Variants in CACNA2D3 observed in about 807,000 individuals in gnomAD.
The protein encoded by CACNA2D3 is calcium voltage-gated channel auxiliary subunit alpha2delta 3.
In CACNA2D3, 60 loss-of-function variants were observed where a neutral mutation model predicts 160.6. That is an observed-to-expected ratio of 0.37 (90% CI 0.30 to 0.46). CACNA2D3 has a LOEUF of 0.46. Among genes scored for constraint, CACNA2D3 ranks in the 20% least tolerant of loss-of-function variants. The pLI is 1.00. For missense variants in CACNA2D3, 1,205 were observed against 1,365.0 expected (o/e 0.88, Z 1.85); for synonymous variants, 558 against 492.9 (o/e 1.13, Z -1.75).
intron 3 of CACNA2D3, among the ~76,000 whole-genome samples, chr3:54,357,956 C>T (rs1256749723): frequency 1.3e-5 from 2 of 152,138 alleles, no homozygotes; most frequent in Non-Finnish European, 2.9e-5. Flanking sequence ...AGTTTTAGGG[C>T]AATGAAACTG....
intron 5 of CACNA2D3, among the ~76,000 whole-genome samples, chr3:54,551,717 T>G (rs1177596215): frequency 6.6e-6 from 1 of 152,220 alleles, no homozygotes; most frequent in Non-Finnish European, 1.5e-5. Flanking sequence ...GCCGTCGTGT[T>G]CAGCACAGAT....
At chr3:54,933,230 C>G (rs1212384237) in intron 27 of CACNA2D3, among the ~76,000 whole-genome samples, 1 of 152,130 alleles carries the variant, frequency 6.6e-6, no homozygotes, top group African/African-American at 2.4e-5. Context: ...GTATTTAATG[C>G]TTACAATGGG....
intron 27 of CACNA2D3, among the ~76,000 whole-genome samples, chr3:54,907,512 G>T (rs1700470930): frequency 6.6e-6 from 1 of 152,158 alleles, no homozygotes; most frequent in African/African-American, 2.4e-5. Flanking sequence ...TTACATCTGG[G>T]TGGGTAATAA....
intron 2 of CACNA2D3, among the ~76,000 whole-genome samples, chr3:54,195,461 TG>T (rs1576991814): frequency 6.6e-6 from 1 of 152,256 alleles, no homozygotes; most frequent in African/African-American, 2.4e-5. Flanking sequence ...CATCATGTTA[TG>T]TAATATTTAT....
intron 2 of CACNA2D3, among the ~76,000 whole-genome samples, chr3:54,286,550 C>G (rs1460498397): frequency 6.6e-6 from 1 of 152,066 alleles, no homozygotes; most frequent in Non-Finnish European, 1.5e-5. Context: ...CAAGGCAGGC[C>G]AATATTCAGA....
At chr3:54,696,114 C>CTAG (rs1452638707) in intron 11 of CACNA2D3, among the ~76,000 whole-genome samples, 2 of 152,114 alleles carry the variant, frequency 1.3e-5, no homozygotes, top group Non-Finnish European at 1.5e-5. Context: ...TGTCTGGCTT[C>CTAG]TAGTAACTCC....
At chr3:55,018,678 G>C (rs912638863) in intron 35 of CACNA2D3, among the ~76,000 whole-genome samples, 3 of 151,850 alleles carry the variant, frequency 2.0e-5, no homozygotes, top group Admixed American at 1.3e-4. Flanking sequence ...AAGCCTTCAG[G>C]ATTTACCCAA....
rs377128535 is a variant in CACNA2D3 at position 54,320,569 on chromosome 3, A to G, written c.321+11A>G. 2.4e-5 allele frequency: 35 copies of G among 1,477,652 alleles called. No homozygotes were observed. The highest frequency in any genetic ancestry group is 3.0e-5 in the Non-Finnish European group (32 of 1,084,184). 91.5% of individuals were successfully genotyped at this position (1,477,652 alleles called of 1,614,324 possible). A position where few individuals can be genotyped will look rare whatever the true frequency, so the allele number is the denominator to read the frequency against. ...TCTGAGGCCGTCAGGGTAAGTGCCT[A>G]TGTTTTGTGCCCTGTATCGCCTGAA... On this transcript the variant is annotated intron_variant, in intron 3 of 37. Transcript: ENST00000474759.
At chr3:54,491,234 G>C (rs1280849602) in intron 4 of CACNA2D3, among the ~76,000 whole-genome samples, 5 of 152,164 alleles carry the variant, frequency 3.3e-5, no homozygotes, top group South Asian at 2.1e-4. Context: ...GCTCAGGTGC[G>C]CCTCTTAGGG....
At chr3:54,213,145 C>T (rs976280980) in intron 2 of CACNA2D3, among the ~76,000 whole-genome samples, 5 of 152,190 alleles carry the variant, frequency 3.3e-5, no homozygotes, top group Non-Finnish European at 7.3e-5. Context: ...CTAATGAATG[C>T]ATCCACAAAT....
chr3:54,589,389 A>C (rs1851045), intron 9 of CACNA2D3, among the ~76,000 whole-genome samples: 114,080 of 151,752 alleles, frequency 0.75, 43,509 homozygotes, highest in African/African-American at 0.87. Context: ...CATTTAACTC[A>C]AACGGATCAA....
chr3:54,757,347 T>C (rs1701992675), intron 12 of CACNA2D3, among the ~76,000 whole-genome samples: 1 of 152,180 alleles, frequency 6.6e-6, no homozygotes, highest in Non-Finnish European at 1.5e-5. Flanking sequence ...TCTCCTTATC[T>C]GAAAGAGAAC....
At chr3:54,167,544 C>G (rs1446431636) in intron 2 of CACNA2D3, among the ~76,000 whole-genome samples, 1 of 152,152 alleles carries the variant, frequency 6.6e-6, no homozygotes, top group Admixed American at 6.5e-5. Flanking sequence ...TTGGTGAGGT[C>G]AAGGAGAACC....
At position 54,434,946 on chromosome 3, in the gene CACNA2D3, A is replaced by G. The variant is rs149631392; in HGVS notation, c.381+48172A>G. Among the ~76,000 whole-genome samples the G allele has an allele frequency of 6.7e-3, 1,027 of 152,306 alleles. 13 individuals carry two copies. The highest frequency in any genetic ancestry group is 0.024 in the African/African-American group (982 of 41,556). The stretch of plus-strand genomic sequence containing the variant: ...ATAGAGACCCACTAATCCCTGGGCT[A>G]GGTTGGAAATCCCCAGGCCAGGTTT... On this transcript the variant is annotated intron_variant, in intron 4 of 37. Transcript: ENST00000474759.
chr3:54,392,095 T>A (rs758679290), intron 4 of CACNA2D3, among the ~76,000 whole-genome samples: 3 of 152,242 alleles, frequency 2.0e-5, no homozygotes, highest in Non-Finnish European at 4.4e-5. Context: ...ATGTCTCAGT[T>A]ATTACATGTA....
intron 2 of CACNA2D3, among the ~76,000 whole-genome samples, chr3:54,146,720 T>G (rs1447036602): frequency 6.6e-6 from 1 of 152,210 alleles, no homozygotes; most frequent in Non-Finnish European, 1.5e-5. Flanking sequence ...CAGAACGTCT[T>G]AGGGGGAGGC....
chr3:54,388,999 G>C (rs1553643763), intron 4 of CACNA2D3, among the ~76,000 whole-genome samples: 1 of 144,240 alleles, frequency 6.9e-6, no homozygotes, highest in Non-Finnish European at 1.5e-5. Flanking sequence ...TAAACAGATA[G>C]ATAGATTAAA....
At chr3:54,187,890 C>T (rs1031772477) in intron 2 of CACNA2D3, among the ~76,000 whole-genome samples, 1 of 152,014 alleles carries the variant, frequency 6.6e-6, no homozygotes, top group Non-Finnish European at 1.5e-5. Flanking sequence ...GCTCTGTGGC[C>T]GGGTTCCTAA....
chr3:54,170,923 A>C (rs1287887718), intron 2 of CACNA2D3, among the ~76,000 whole-genome samples: 1 of 151,994 alleles, frequency 6.6e-6, no homozygotes, highest in East Asian at 1.9e-4. Flanking sequence ...AGGTGGAGTA[A>C]TTTTTATGAA....
Sources: gnomAD v4.1 joint callset for allele counts (sites outside exome capture counted in the v4.1 genomes callset) on GRCh38, gnomAD v4.1.1 for gene constraint, MANE v1.5 for transcripts, NCBI Gene and HGNC (gene_info 2026-07-23, HGNC 2026-07-21) for gene names.